The following HMCN2 variants were observed in gnomAD, a reference collection of about 807,000 sequenced individuals.
The protein encoded by HMCN2 is hemicentin 2.
A neutral mutation model predicts 377.5 loss-of-function variants in HMCN2; 325 were observed. The ratio of observed to expected loss-of-function variants is 0.86; its 90% CI spans 0.79 to 0.94. The LOEUF (loss-of-function observed/expected upper bound fraction) is 0.94. Ranked by LOEUF, HMCN2 falls within the 40% of genes least tolerant of loss-of-function variation. HMCN2 has a pLI of 0.00. For synonymous variants in HMCN2, 2,007 were observed against 2,046.8 expected (o/e 0.98, Z 0.53); for missense variants, 4,543 against 4,725.3 (o/e 0.96, Z 1.13).
At position 130,305,569 on chromosome 9, in the gene HMCN2, C is replaced by A. The variant is rs548417601; in HGVS notation, c.1817-560C>A. Among the ~76,000 whole-genome samples the A allele has an allele frequency of 2.6e-5, 4 of 152,256 alleles. No individual in the cohort carries two copies. In the South Asian group the frequency reaches 8.3e-4, roughly 32 times the overall value. Reference sequence around the variant, plus strand: ...TGAGTGGCTGCCAGAGTGTGTTGGGCAGGATTCTGAGGCTATGTCTAGGCT... The same window carrying A: ...TGAGTGGCTGCCAGAGTGTGTTGGGAAGGATTCTGAGGCTATGTCTAGGCT... On this transcript the variant is annotated intron_variant, in intron 11 of 97. Transcript: ENST00000683500.
In HMCN2 at chr9:130,388,423, G is replaced by C. The variant is rs1842128515; in HGVS notation, c.9406G>C (p.Glu3136Gln). 1 of 987,986 alleles carries C rather than the reference G, an allele frequency of 1.0e-6. No homozygotes were observed. Among genetic ancestry groups the C allele is most frequent in the East Asian group, 1.1e-4 (1 of 8,800 alleles). 61.2% of individuals were successfully genotyped at this position (987,986 alleles called of 1,614,324 possible). A position where few individuals can be genotyped will look rare whatever the true frequency, so the allele number is the denominator to read the frequency against. ...TLTVQVPPTFENPKTETVSQV... is the reference protein window; with the variant it reads ...TLTVQVPPTFQNPKTETVSQV... ...TCTTCCTGCAGTGCCCCCAACATTT[G>C]AGAACCCCAAGACAGAGACAGTGAG... is the stretch of plus-strand genomic sequence containing the variant. The change falls in exon 62 of 98, where the codon GAG becomes CAG. Residue 3136 changes from glutamate (E) to glutamine (Q), a missense_variant. Physicochemically the swap from Glu to Gln is conservative, Grantham distance 29. Transcript: ENST00000683500.
At chr9:130,292,125 T>C (rs1344727737) in intron 4 of HMCN2, among the ~76,000 whole-genome samples, 2 of 152,184 alleles carry the variant, frequency 1.3e-5, no homozygotes, top group African/African-American at 4.8e-5. Context: ...TAGTTGGTGC[T>C]GAGTGTGTCT....
chr9:130,387,057 C>T (rs1842060584), intron 61 of HMCN2, among the ~76,000 whole-genome samples: 2 of 152,224 alleles, frequency 1.3e-5, no homozygotes, highest in South Asian at 4.1e-4. Flanking sequence ...GATGAAGGAG[C>T]CCTATGAGAT....
At chr9:130,289,914 GCC>G (rs1390822118) in intron 4 of HMCN2, among the ~76,000 whole-genome samples, 1 of 152,130 alleles carries the variant, frequency 6.6e-6, no homozygotes, top group Non-Finnish European at 1.5e-5. Context: ...GGGCCCATTC[GCC>G]CCCTGGCTTT....
rs552617924 is a variant in HMCN2, at chr9:130,352,654, G to A, written c.4586-273G>A. Among the ~76,000 whole-genome samples, 18 of 152,218 alleles carry A rather than the reference G, an allele frequency of 1.2e-4. No individual in the cohort carries two copies. In the East Asian group the frequency reaches 3.3e-3, roughly 28 times the overall value. On this transcript the variant is annotated intron_variant, in intron 30 of 97. Transcript: ENST00000683500. ...CAGAGAGGGGAAGTGGCTCACCCCT[G>A]GTCTTCCAGTATGTTAGAGCAGAGC...
At chr9:130,299,905 A>T (rs947086217) in intron 8 of HMCN2, among the ~76,000 whole-genome samples, 1 of 150,122 alleles carries the variant, frequency 6.7e-6, no homozygotes, top group East Asian at 2.0e-4. Context: ...CCACCCATTC[A>T]TGCACTCATC....
chr9:130,312,032 T>C (rs1325489786), intron 15 of HMCN2, among the ~76,000 whole-genome samples: 1 of 152,234 alleles, frequency 6.6e-6, no homozygotes, highest in Non-Finnish European at 1.5e-5. Flanking sequence ...ATTTTGTTGC[T>C]GGCTCATGTA....
chr9:130,266,138 G>C lies in HMCN2; in HGVS notation c.259+1G>C, dbSNP rs1554918894. ...GCGCTGGTGCCCTTCCACGACCCAG[G>C]TAGCGCCCCCGCACCCCCGCCCGCC... On this transcript the variant is annotated splice_donor_variant, in intron 1 of 97. Transcript: ENST00000683500. LOFTEE classifies it high-confidence loss of function. 6 of 464,156 alleles carry C rather than the reference G, an allele frequency of 1.3e-5. No homozygotes were observed. Among genetic ancestry groups the C allele is most frequent in the South Asian group, 7.8e-5 (5 of 64,460 alleles). 28.8% of individuals were successfully genotyped at this position (464,156 alleles called of 1,614,324 possible).
At chr9:130,313,930 C>T (rs1422933885) in intron 15 of HMCN2, among the ~76,000 whole-genome samples, 1 of 152,076 alleles carries the variant, frequency 6.6e-6, no homozygotes, top group Non-Finnish European at 1.5e-5. Context: ...CAGACACGCA[C>T]CACCATTCCC....
chr9:130,307,559 G>C lies in HMCN2; in HGVS notation c.2193G>C (p.Trp731Cys), dbSNP rs1419548167. ...GGGTTCCCCCGCCCCGAGTCATCTG[G>C]TATCGAGGTGTGTTGGTGGGGAGGG... The part of the protein sequence containing the change: ...ASGVPPPRVI[W>C]YRGGLEMILA... Residue 731 changes from tryptophan (W) to cysteine (C), a missense_variant, in exon 14 of 98, where the codon TGG becomes TGC. Physicochemically the swap from Trp to Cys is radical, Grantham distance 215. Transcript: ENST00000683500. 1 of 471,158 alleles carries C rather than the reference G, an allele frequency of 2.1e-6. No individual in the cohort carries two copies. The highest frequency in any genetic ancestry group is 7.0e-5 in the East Asian group (1 of 14,386). 29.2% of individuals were successfully genotyped at this position (471,158 alleles called of 1,614,324 possible).
rs1554935221 is a variant in HMCN2 at position 130,303,286 on chromosome 9, C to T, written c.1422-201C>T. Among the ~76,000 whole-genome samples, 1 of 152,200 alleles carries T rather than the reference C, an allele frequency of 6.6e-6. No individual in the cohort carries two copies. Among genetic ancestry groups the T allele is most frequent in the African/African-American group, 2.4e-5 (1 of 41,460 alleles). ...GGGCAGGAAGGATGGGAGCCCAGGACTCAGAGAGAGGAAGGGCCTGACTCC... is the reference window on the plus strand; with the variant it reads ...GGGCAGGAAGGATGGGAGCCCAGGATTCAGAGAGAGGAAGGGCCTGACTCC... On this transcript the variant is annotated intron_variant, in intron 9 of 97. Transcript: ENST00000683500. The surrounding 1 kb of genome is among the most constrained non-coding windows in gnomAD (Gnocchi z 5.2).
At chr9:130,346,104 G>A (rs1254058234) in intron 25 of HMCN2, among the ~76,000 whole-genome samples, 4 of 152,250 alleles carry the variant, frequency 2.6e-5, no homozygotes, top group Admixed American at 1.3e-4. Flanking sequence ...GCGGGTGGGA[G>A]TGACGTGCCG....
At position 130,418,993 on chromosome 9, in the gene HMCN2, C is replaced by T. The variant is rs568441799; in HGVS notation, c.13183C>T (p.His4395Tyr). The change falls in exon 86 of 98, where the codon CAC becomes TAC. Residue 4395 changes from histidine to tyrosine, a missense_variant. This residue lies in a region of HMCN2 where 1,155 missense variants were observed against 1,157.7 expected (regional missense o/e 1.00). Transcript: ENST00000683500. ...TGCAGGCACCTACGACTGCGTCGCT[C>T]ACAACCTCCTGGGCTCTGCCACAGC... is the stretch of plus-strand genomic sequence containing the variant. ...GDAGTYDCVAHNLLGSATARA... is the reference protein window; with the variant it reads ...GDAGTYDCVAYNLLGSATARA... 4.5e-4 allele frequency: 684 copies of T among 1,506,218 alleles called. 1 individual carries two copies. Among genetic ancestry groups the T allele is most frequent in the Middle Eastern group, 4.3e-3 (25 of 5,780 alleles). The allele number at this position is 1,506,218 out of a possible 1,614,324, so 93.3% of individuals were successfully genotyped here. A position where few individuals can be genotyped will look rare whatever the true frequency, so the allele number is the denominator to read the frequency against.
intron 39 of HMCN2, among the ~76,000 whole-genome samples, 198 bp from the exon 40 acceptor site, chr9:130,362,669 G>A (rs966597826): frequency 2.0e-5 from 3 of 152,250 alleles, no homozygotes; most frequent in African/African-American, 7.2e-5. Flanking sequence ...CTGAGGTCCA[G>A]TGTCATTGCC....
At chr9:130,329,179 GC>G (rs1430180367) in intron 22 of HMCN2, among the ~76,000 whole-genome samples, 1 of 152,132 alleles carries the variant, frequency 6.6e-6, no homozygotes, top group Non-Finnish European at 1.5e-5. Flanking sequence ...CCCCACTGCA[GC>G]CCCTGACAGC....
At chr9:130,322,504 G>A in intron 19 of HMCN2, among the ~76,000 whole-genome samples, 1 of 152,056 alleles carries the variant, frequency 6.6e-6, no homozygotes, top group East Asian at 1.9e-4. Context: ...TCTGTTTTCT[G>A]TCAATTAAGA....
In HMCN2 at chr9:130,403,201, G is replaced by T; in HGVS notation, c.11886G>T (p.Pro3962=). ...KHVFLTVQAS[P]VVKPLPSVVR... ...CACCCCCGTCCTTTGTAGCCTCCCC[G>T]GTGGTGAAGCCGCTGCCCAGCGTGG... The change falls in exon 79 of 98, where the codon CCG becomes CCT. Residue 3962 remains proline, a synonymous_variant. Transcript: ENST00000683500. 7.8e-7 allele frequency: 1 copy of T among 1,289,222 alleles called. No individual in the cohort carries two copies. Among genetic ancestry groups the T allele is most frequent in the Non-Finnish European group, 1.0e-6 (1 of 988,532 alleles). The allele number at this position is 1,289,222 out of a possible 1,614,324, so 79.9% of individuals were successfully genotyped here. A position where few individuals can be genotyped will look rare whatever the true frequency, so the allele number is the denominator to read the frequency against.
intron 7 of HMCN2, among the ~76,000 whole-genome samples, chr9:130,298,639 A>T (rs1836300269): frequency 6.6e-6 from 1 of 152,192 alleles, no homozygotes; most frequent in Non-Finnish European, 1.5e-5. Context: ...GTCTGGTCAG[A>T]AGTTGGAGTC....
In HMCN2 at chr9:130,354,958, C is replaced by T. The variant is rs1305322648; in HGVS notation, c.5060C>T (p.Pro1687Leu). Reference protein sequence around the residue: ...TDGSVLRLESPGEASSGLYSC... With the variant: ...TDGSVLRLESLGEASSGLYSC... The stretch of plus-strand genomic sequence containing the variant: ...GGGAGTGTGCTGAGGCTGGAGAGCC[C>T]GGGGGAGGCATCCAGTGGCCTGTAC... The change falls in exon 32 of 98, where the codon CCG (proline) becomes CTG (leucine). Residue 1687 changes from proline (P) to leucine (L), a missense_variant. Physicochemically the swap from Pro to Leu is moderately conservative, Grantham distance 98. Coordinates refer to ENST00000683500, the MANE Select transcript of HMCN2 (RefSeq NM_001291815.2). The T allele has an allele frequency of 1.2e-5, 15 of 1,302,216 alleles. No homozygotes were observed. The highest frequency in any genetic ancestry group is 4.9e-5 in the South Asian group (4 of 80,994). 80.7% of individuals were successfully genotyped at this position (1,302,216 alleles called of 1,614,324 possible). A position where few individuals can be genotyped will look rare whatever the true frequency, so the allele number is the denominator to read the frequency against.
Sources: allele counts gnomAD v4.1 joint callset (sites outside exome capture counted in the v4.1 genomes callset), GRCh38; gene constraint gnomAD v4.1.1; regional missense constraint gnomAD v4.1.1; non-coding constraint Gnocchi (gnomAD v3.1); transcripts MANE v1.5; gene names NCBI Gene and HGNC (gene_info 2026-07-23, HGNC 2026-07-21).